SEPTIN14: variants seen among roughly 807,000 people sequenced by gnomAD.
SEPTIN14 encodes the protein septin 14, also known as septin-14.
Under a neutral mutation model 53.6 loss-of-function variants are expected in SEPTIN14, and 40 were observed. The observed-to-expected ratio is 0.75, with a 90% CI of 0.58 to 0.97. The LOEUF is 0.97. SEPTIN14 is among the 50% of genes least tolerant of loss of function. The pLI, the probability that SEPTIN14 is intolerant of heterozygous loss-of-function variation, is 0.00. For missense variants in SEPTIN14, 471 were observed against 508.2 expected (o/e 0.93, Z 0.70); for synonymous variants, 138 against 166.8 (o/e 0.83, Z 1.33).
intron 9 of SEPTIN14, among the ~76,000 whole-genome samples, chr7:55,801,895 T>C (rs1180033707): frequency 6.6e-6 from 1 of 152,084 alleles, no homozygotes; most frequent in Non-Finnish European, 1.5e-5. Context: ...CACTCCAGCC[T>C]GGGTGACACA....
At position 55,805,197 on chromosome 7, in the gene SEPTIN14, C is replaced by A; in HGVS notation, c.1119+61G>T. 2.1e-6 allele frequency: 3 copies of A among 1,448,494 alleles called. No homozygotes were observed. The South Asian group carries it at 3.6e-5, about 18-fold the overall frequency. The allele number at this position is 1,448,494 out of a possible 1,614,324, so 89.7% of individuals were successfully genotyped here. A position where few individuals can be genotyped will look rare whatever the true frequency, so the allele number is the denominator to read the frequency against. ...ATCAAGTAAACTCTTGAGATTAAAA[C>A]CCCCAAATTAATAGGGCACCTAAAA... On this transcript the variant is annotated intron_variant, in intron 9 of 9. Transcript: ENST00000388975.
intron 5 of SEPTIN14, among the ~76,000 whole-genome samples, chr7:55,840,905 A>G (rs149935175): frequency 1.5e-5 from 2 of 131,324 alleles, no homozygotes; most frequent in East Asian, 2.2e-4. Context: ...TTTATTTATT[A>G]TTTATTTATT....
At position 55,822,390 on chromosome 7, in the gene SEPTIN14, T is replaced by C. The variant is rs549366195; in HGVS notation, c.721-3167A>G. 4.6e-5 allele frequency among the ~76,000 whole-genome samples: 7 copies of C among 152,288 alleles called. No homozygotes were observed. In the South Asian group the frequency reaches 1.2e-3, roughly 27 times the overall value. On this transcript the variant is annotated intron_variant, in intron 6 of 9. Transcript: ENST00000388975. ...AAATTTCACCAAATTATTTTGTGAA[T>C]AATAACAAATTAACTCCAAAATTTA...
chr7:55,801,669 C>T (rs1263316048), intron 9 of SEPTIN14, among the ~76,000 whole-genome samples: 1 of 152,062 alleles, frequency 6.6e-6, no homozygotes, highest in Non-Finnish European at 1.5e-5. Flanking sequence ...CCTGCAATCC[C>T]AGCAGTTTAG....
At chr7:55,858,349 C>A (rs1431408247) in intron 2 of SEPTIN14, among the ~76,000 whole-genome samples, 1 of 152,200 alleles carries the variant, frequency 6.6e-6, no homozygotes, top group Non-Finnish European at 1.5e-5. Context: ...TAACTGCTGT[C>A]AAGATACATA....
chr7:55,842,996 T>C lies in SEPTIN14; in HGVS notation c.504A>G (p.Thr168=), dbSNP rs1201247875. The part of the protein sequence containing the change: ...VHVCLYFISP[T]GHSLKSLDLL... ...GATCAAGAGACTTCAGGGAATGTCC[T>C]GTAGGTGAAATGAAGTAAAGACACA... The change falls in exon 5 of 10, where the codon ACA becomes ACG. Residue 168 remains threonine (T), a synonymous_variant. Coordinates refer to ENST00000388975, the MANE Select transcript of SEPTIN14 (RefSeq NM_207366.3). 3 of 1,571,562 alleles carry C rather than the reference T, an allele frequency of 1.9e-6. No individual in the cohort carries two copies. Among genetic ancestry groups the C allele is most frequent in the East Asian group, 4.6e-5 (2 of 43,180 alleles).
chr7:55,851,333 C>G (rs772451631), intron 2 of SEPTIN14, among the ~76,000 whole-genome samples: 6 of 152,058 alleles, frequency 3.9e-5, no homozygotes, highest in Non-Finnish European at 5.9e-5. Context: ...ATCCCTCAGC[C>G]CTGGCAACCT....
At chr7:55,857,473 A>AGGAAGGGAGGGGAGGGGAG in intron 2 of SEPTIN14, among the ~76,000 whole-genome samples, 1 of 68,752 alleles carries the variant, frequency 1.5e-5, no homozygotes, top group Non-Finnish European at 2.6e-5. Flanking sequence ...GGGAGGGGAG[A>AGGAAGGGAGGGGAGGGGAG]GGAAGGGAGG....
rs531404212 is a variant in SEPTIN14, at chr7:55,842,616, A to G, written c.558+326T>C. 2.9e-3 allele frequency among the ~76,000 whole-genome samples: 435 copies of G among 151,396 alleles called. 3 individuals are homozygous for G. Among genetic ancestry groups the G allele is most frequent in the African/African-American group, 9.5e-3 (393 of 41,272 alleles). On this transcript the variant is annotated intron_variant, in intron 5 of 9. Transcript: ENST00000388975. ...AGACCCTGCCTCAAATACAAAAAAA[A>G]AAAAAGAAAAAGAAGGCTGGGCACG...
At chr7:55,804,258 G>T (rs556884970) in intron 9 of SEPTIN14, among the ~76,000 whole-genome samples, 258 of 147,588 alleles carry the variant, frequency 1.7e-3, no homozygotes, top group African/African-American at 6.0e-3. Flanking sequence ...TAATGGTTTG[G>T]TTTTTTTTGT....
chr7:55,847,686 T>C (rs542077283), intron 2 of SEPTIN14, among the ~76,000 whole-genome samples: 1 of 152,302 alleles, frequency 6.6e-6, no homozygotes, highest in South Asian at 2.1e-4. Flanking sequence ...ATCCTCTACA[T>C]ATGTGAGGAA....
intron 9 of SEPTIN14, among the ~76,000 whole-genome samples, chr7:55,800,175 A>C (rs1788502687): frequency 6.6e-6 from 1 of 152,208 alleles, no homozygotes; most frequent in Non-Finnish European, 1.5e-5. Flanking sequence ...TCACATATAC[A>C]CAGTGGACTA....
At chr7:55,811,492 A>AT in intron 7 of SEPTIN14, 1 of 274,578 alleles carries the variant, frequency 3.6e-6, no homozygotes, top group Non-Finnish European at 7.1e-6. Flanking sequence ...CAAGTTTTAC[A>AT]GTTCTTTTTT....
chr7:55,816,977 T>A (rs767220442), intron 7 of SEPTIN14, among the ~76,000 whole-genome samples: 2 of 152,062 alleles, frequency 1.3e-5, no homozygotes, highest in African/African-American at 2.4e-5. Context: ...TTCAAAAAAT[T>A]AAAAATAAAA....
intron 2 of SEPTIN14, among the ~76,000 whole-genome samples, chr7:55,847,388 C>T (rs1424338774): frequency 1.3e-5 from 2 of 152,114 alleles, no homozygotes; most frequent in Admixed American, 6.6e-5. Flanking sequence ...AATCCAGATG[C>T]TTCTCAACTT....
At chr7:55,846,288 G>A (rs1477287627) in intron 3 of SEPTIN14, among the ~76,000 whole-genome samples, 1 of 151,204 alleles carries the variant, frequency 6.6e-6, no homozygotes, top group African/African-American at 2.4e-5. Context: ...AGCCCAGGCG[G>A]CTGAGGCTAC....
chr7:55,824,477 A>C (rs1562711533), intron 6 of SEPTIN14, among the ~76,000 whole-genome samples: 1 of 152,192 alleles, frequency 6.6e-6, no homozygotes, highest in African/African-American at 2.4e-5. Context: ...CTGAATCTAA[A>C]ATAAAACTCA....
intron 4 of SEPTIN14, among the ~76,000 whole-genome samples, chr7:55,844,033 G>A (rs2116052665): frequency 6.6e-6 from 1 of 152,222 alleles, no homozygotes. Flanking sequence ...TTACTCAAGA[G>A]GCTGAGGTGG....
At chr7:55,797,428 G>A (rs1788449553) in intron 9 of SEPTIN14, among the ~76,000 whole-genome samples, 1 of 152,166 alleles carries the variant, frequency 6.6e-6, no homozygotes, top group South Asian at 2.1e-4. Context: ...GCATGACATA[G>A]ACAAGAGAAT....
Sources: allele counts gnomAD v4.1 joint callset (sites outside exome capture counted in the v4.1 genomes callset), GRCh38; gene constraint gnomAD v4.1.1; transcripts MANE v1.5; gene names NCBI Gene and HGNC (gene_info 2026-07-23, HGNC 2026-07-21).